The following CRIM1 variants were observed in gnomAD, a reference collection of about 807,000 sequenced individuals.
CRIM1 encodes the protein cysteine-rich motor neuron 1 protein.
In CRIM1, 32 loss-of-function variants were observed where a neutral mutation model predicts 116.4. The observed-to-expected ratio is 0.27, with a 90% CI of 0.21 to 0.37. The LOEUF (loss-of-function observed/expected upper bound fraction) is 0.37. Among genes scored for constraint, CRIM1 ranks in the 10% least tolerant of loss-of-function variants. The pLI is 1.00. For synonymous variants in CRIM1, 590 were observed against 509.2 expected (o/e 1.16, Z -2.13); for missense variants, 1,331 against 1,354.8 (o/e 0.98, Z 0.28).
chr2:36,529,324 C>G (rs1389418384), intron 13 of CRIM1: 1 of 368,188 alleles, frequency 2.7e-6, no homozygotes, highest in African/African-American at 2.1e-5. Flanking sequence ...ACTGGCCAAT[C>G]TGGAAGGTCC....
chr2:36,438,314 T>C (rs1166889908), intron 2 of CRIM1, among the ~76,000 whole-genome samples: 1 of 152,108 alleles, frequency 6.6e-6, no homozygotes. Flanking sequence ...TTAACAAGAG[T>C]AGGAATTAAG....
intron 14 of CRIM1, among the ~76,000 whole-genome samples, chr2:36,541,573 C>A (rs1365751614): frequency 1.3e-5 from 2 of 152,188 alleles, no homozygotes; most frequent in Non-Finnish European, 2.9e-5. Flanking sequence ...AAGCACCAAG[C>A]ACCTCGCCCC....
chr2:36,376,690 T>C (rs1670345346), intron 1 of CRIM1, among the ~76,000 whole-genome samples: 2 of 152,194 alleles, frequency 1.3e-5, no homozygotes, highest in South Asian at 4.1e-4. Context: ...GGGGTGATGC[T>C]CATTGTCTGG....
chr2:36,435,743 G>A (rs1322176416), intron 2 of CRIM1, among the ~76,000 whole-genome samples: 1 of 152,110 alleles, frequency 6.6e-6, no homozygotes, highest in Non-Finnish European at 1.5e-5. Context: ...ACACATTAAA[G>A]TGACCAGGAT....
intron 12 of CRIM1, among the ~76,000 whole-genome samples, chr2:36,520,401 T>C (rs1196791870): frequency 6.6e-6 from 1 of 152,244 alleles, no homozygotes; most frequent in Non-Finnish European, 1.5e-5. Context: ...GAGGGTGTTG[T>C]CCTTATTTCT....
At chr2:36,498,476 A>G (rs904262182) in intron 7 of CRIM1, among the ~76,000 whole-genome samples, 33 of 152,228 alleles carry the variant, frequency 2.2e-4, no homozygotes, top group Admixed American at 1.3e-4. Context: ...TAAATACATA[A>G]TATGCTTTAT....
chr2:36,487,559 TA>T (rs34362565), intron 7 of CRIM1, among the ~76,000 whole-genome samples: 38 of 145,614 alleles, frequency 2.6e-4, no homozygotes, highest in Non-Finnish European at 3.2e-4. Context: ...AAGTCTGGTT[TA>T]AAAAAAAAAA....
intron 9 of CRIM1, among the ~76,000 whole-genome samples, 180 bp downstream of exon 9, chr2:36,510,319 G>T (rs1293536141): frequency 6.6e-6 from 1 of 152,050 alleles, no homozygotes; most frequent in Non-Finnish European, 1.5e-5. Flanking sequence ...CAAAAAAAAA[G>T]AATCAAGTTT....
At chr2:36,542,957 T>C (rs1013362773) in intron 14 of CRIM1, among the ~76,000 whole-genome samples, 19 of 152,212 alleles carry the variant, frequency 1.2e-4, no homozygotes, top group African/African-American at 4.1e-4. Context: ...TGAGAGTCAC[T>C]GGTTTGTGCT....
intron 7 of CRIM1, among the ~76,000 whole-genome samples, chr2:36,494,913 A>G (rs1345413005): frequency 1.3e-5 from 2 of 152,200 alleles, no homozygotes; most frequent in African/African-American, 2.4e-5. Flanking sequence ...AGGTGATCCT[A>G]TAAACAGTAC....
At chr2:36,539,596 C>A (rs1270392760) in intron 14 of CRIM1, among the ~76,000 whole-genome samples, 2 of 151,976 alleles carry the variant, frequency 1.3e-5, no homozygotes, top group African/African-American at 4.8e-5. Context: ...AGCAGAGAGA[C>A]CAACTTGGAG....
chr2:36,422,937 C>T (rs951424694), intron 2 of CRIM1, among the ~76,000 whole-genome samples: 1 of 152,218 alleles, frequency 6.6e-6, no homozygotes, highest in African/African-American at 2.4e-5. Context: ...AGAAATACTG[C>T]AGTGCATTAT....
intron 2 of CRIM1, among the ~76,000 whole-genome samples, chr2:36,417,277 C>T (rs1228865683): frequency 6.6e-6 from 1 of 152,162 alleles, no homozygotes; most frequent in Non-Finnish European, 1.5e-5. Flanking sequence ...CTTCTGTTTT[C>T]TGTTTGCCTT....
intron 2 of CRIM1, among the ~76,000 whole-genome samples, chr2:36,420,445 A>G (rs1324238342): frequency 1.3e-5 from 2 of 152,066 alleles, no homozygotes; most frequent in East Asian, 1.9e-4. Flanking sequence ...TTCATAACCA[A>G]TCCTGTTACT....
chr2:36,500,065 G>A (rs1197820379), intron 8 of CRIM1, among the ~76,000 whole-genome samples: 1 of 151,992 alleles, frequency 6.6e-6, no homozygotes, highest in Admixed American at 6.6e-5. Context: ...GGTGGCTCAC[G>A]CTTATAATTT....
chr2:36,434,305 G>A (rs1323273672), intron 2 of CRIM1, among the ~76,000 whole-genome samples: 1 of 152,226 alleles, frequency 6.6e-6, no homozygotes, highest in African/African-American at 2.4e-5. Context: ...ATACGCTAAA[G>A]ACACTGAACC....
Position 36,512,381 on chromosome 2 carries a change from C to A in CRIM1, c.1767C>A (p.Ile589=). 1 of 1,613,306 alleles carries A rather than the reference C, an allele frequency of 6.2e-7. No individual in the cohort carries two copies. The highest frequency in any genetic ancestry group is 8.5e-7 in the Non-Finnish European group (1 of 1,179,336). Residue 589 remains isoleucine (I), a synonymous_variant, in exon 10 of 17, where the codon ATC becomes ATA. Transcript: ENST00000280527. Reference sequence around the variant, plus strand: ...AGCAGGACAGTCACGGCTGTCTTATCTGCAAGTGCAGAGGTAAGTGTGTAC... The same window carrying A: ...AGCAGGACAGTCACGGCTGTCTTATATGCAAGTGCAGAGGTAAGTGTGTAC... ...GFQQDSHGCL[I]CKCREASASA...
intron 8 of CRIM1, among the ~76,000 whole-genome samples, chr2:36,509,484 G>C (rs191912688): frequency 6.6e-6 from 1 of 152,144 alleles, no homozygotes; most frequent in South Asian, 2.1e-4. Context: ...CCGAAATCAC[G>C]CCACTGTACT....
intron 2 of CRIM1, among the ~76,000 whole-genome samples, chr2:36,429,048 G>A (rs963874584): frequency 6.6e-6 from 1 of 152,112 alleles, no homozygotes; most frequent in Non-Finnish European, 1.5e-5. Context: ...CCCACAGTTG[G>A]AATACCATAT....
Sources: allele counts gnomAD v4.1 joint callset (sites outside exome capture counted in the v4.1 genomes callset), GRCh38; gene constraint gnomAD v4.1.1; transcripts MANE v1.5; gene names NCBI Gene and HGNC (gene_info 2026-07-23, HGNC 2026-07-21).